The following SHROOM2 variants were observed in gnomAD, a reference collection of about 807,000 sequenced individuals.
The protein encoded by SHROOM2 is protein Shroom2.
In SHROOM2, 33 loss-of-function variants were observed where a neutral mutation model predicts 75.9. The ratio of observed to expected loss-of-function variants is 0.43; its 90% CI spans 0.33 to 0.58. SHROOM2 has a LOEUF of 0.58. Ranked by LOEUF, SHROOM2 falls within the 20% of genes least tolerant of loss-of-function variation. SHROOM2 has a pLI of 0.04. For synonymous variants in SHROOM2, 655 were observed against 663.6 expected (o/e 0.99, Z 0.20); for missense variants, 1,434 against 1,461.2 (o/e 0.98, Z 0.30).
At chrX:9,931,923 T>A (rs767072446) in intron 5 of SHROOM2, among the ~76,000 whole-genome samples, 2 of 110,627 alleles carry the variant, frequency 1.8e-5, no homozygotes, top group South Asian at 7.9e-4. Context: ...CTGTGTGTGA[T>A]GTGTGCGCCT....
At chrX:9,832,975 A>C (rs1176050790) in intron 1 of SHROOM2, among the ~76,000 whole-genome samples, 1 of 111,503 alleles carries the variant, frequency 9.0e-6, no homozygotes, top group African/African-American at 3.3e-5. Context: ...TTTTCCTGTG[A>C]CTGGGCAGTC....
chrX:9,918,596 C>T (rs1469336806), intron 5 of SHROOM2, among the ~76,000 whole-genome samples: 1 of 112,178 alleles, frequency 8.9e-6, no homozygotes, highest in East Asian at 2.8e-4. Context: ...CTCAAGCAAT[C>T]TTCCCACCTC....
chrX:9,890,964 C>T lies in SHROOM2; in HGVS notation c.318-13C>T. The T allele has an allele frequency of 1.7e-6, 2 of 1,196,519 alleles. No individual in the cohort carries two copies. The highest frequency in any genetic ancestry group is 1.1e-6 in the Non-Finnish European group (1 of 887,952). On this transcript the variant is annotated splice_polypyrimidine_tract_variant and intron_variant, in intron 2 of 9. Transcript: ENST00000380913. ...AGTCCCTGACCCCCCGCCTCCCCTGCGTTCTTTTCTAGGAGGAGCGAGCTG... is the reference window on the plus strand; with the variant it reads ...AGTCCCTGACCCCCCGCCTCCCCTGTGTTCTTTTCTAGGAGGAGCGAGCTG...
intron 5 of SHROOM2, among the ~76,000 whole-genome samples, chrX:9,928,573 C>T (rs2084617033): frequency 8.9e-6 from 1 of 111,807 alleles, no homozygotes. Flanking sequence ...CAGAGACACA[C>T]GTACCTACAC....
At chrX:9,858,476 G>A (rs1939134369) in intron 1 of SHROOM2, among the ~76,000 whole-genome samples, 1 of 112,401 alleles carries the variant, frequency 8.9e-6, no homozygotes, top group Non-Finnish European at 1.9e-5. Context: ...CTGTTTAAGC[G>A]GGTGCTTCAG....
chrX:9,905,422 A>G (rs1202275097), intron 5 of SHROOM2, among the ~76,000 whole-genome samples: 1 of 113,144 alleles, frequency 8.8e-6, no homozygotes, highest in East Asian at 2.8e-4. Flanking sequence ...CGCCAGAGCT[A>G]GCAGCACGTG....
chrX:9,929,386 G>A (rs1013231419), intron 5 of SHROOM2, among the ~76,000 whole-genome samples: 1 of 112,173 alleles, frequency 8.9e-6, no homozygotes, highest in Non-Finnish European at 1.9e-5. Flanking sequence ...GGCGTGGGAA[G>A]TGACGATGCA....
intron 5 of SHROOM2, among the ~76,000 whole-genome samples, chrX:9,918,796 C>T (rs1270518438): frequency 1.8e-5 from 2 of 112,070 alleles, no homozygotes; most frequent in Non-Finnish European, 3.8e-5. Context: ...TCCTTGAGTG[C>T]TTCTTATGAG....
At chrX:9,901,858 C>A (rs1182874782) in intron 5 of SHROOM2, among the ~76,000 whole-genome samples, 1 of 111,625 alleles carries the variant, frequency 9.0e-6, no homozygotes, top group Non-Finnish European at 1.9e-5. Context: ...TTTCTCAGTA[C>A]CCCGTACCTG....
At chrX:9,913,923 A>G (rs2084458236) in intron 5 of SHROOM2, among the ~76,000 whole-genome samples, 3 of 112,023 alleles carry the variant, frequency 2.7e-5, no homozygotes, top group African/African-American at 3.2e-5. Flanking sequence ...GTCATACTCT[A>G]CAAGTATTTC....
chrX:9,808,638 GATC>G (rs755187344), intron 1 of SHROOM2, among the ~76,000 whole-genome samples: 1,949 of 110,810 alleles, frequency 0.018, 21 homozygotes, highest in Middle Eastern at 0.046. Flanking sequence ...AAGGTGGGTG[GATC>G]ACCTGAGGTC....
Position 9,896,296 on chromosome X carries a change from C to G in SHROOM2, c.2388C>G (p.Asp796Glu). Residue 796 changes from aspartate to glutamate, a missense_variant, in exon 4 of 10, where the codon GAC becomes GAG. Asp to Glu is a conservative substitution (Grantham distance 45). This residue lies in a region of SHROOM2 where 1,340 missense variants were observed against 1,338.3 expected (regional missense o/e 1.00). Coordinates refer to ENST00000380913, the MANE Select transcript of SHROOM2 (RefSeq NM_001649.4). ...AGGATACTGTGGGCACGTTTGCTGA[C>G]AGGTGGAAGTTTTTTGAGGAAACGA... The part of the protein sequence containing the change: ...TSEDTVGTFA[D>E]RWKFFEETSK... The G allele has an allele frequency of 1.6e-6, 2 of 1,212,175 alleles. No homozygotes were observed. Among genetic ancestry groups the G allele is most frequent in the Non-Finnish European group, 2.2e-6 (2 of 895,580 alleles).
At chrX:9,860,714 G>A (rs956592500) in intron 1 of SHROOM2, among the ~76,000 whole-genome samples, 2 of 111,970 alleles carry the variant, frequency 1.8e-5, no homozygotes, top group Non-Finnish European at 3.8e-5. Context: ...ATGAGCCACC[G>A]TGTCTGGCCA....
chrX:9,812,208 G>T (rs1227525901), intron 1 of SHROOM2, among the ~76,000 whole-genome samples: 2 of 111,526 alleles, frequency 1.8e-5, no homozygotes, highest in African/African-American at 6.5e-5. Flanking sequence ...TCACTTATGG[G>T]GGCCTGCCAA....
intron 5 of SHROOM2, among the ~76,000 whole-genome samples, chrX:9,905,026 A>G (rs927445340): frequency 6.3e-5 from 7 of 111,927 alleles, no homozygotes; most frequent in Non-Finnish European, 1.3e-4. Flanking sequence ...TAAAAAAACA[A>G]AAAAAGTTTT....
intron 1 of SHROOM2, among the ~76,000 whole-genome samples, chrX:9,848,614 G>A (rs1414012620): frequency 9.1e-6 from 1 of 109,975 alleles, no homozygotes; most frequent in Non-Finnish European, 1.9e-5. Flanking sequence ...TGTGAGGAGA[G>A]GAACTAGGAG....
intron 1 of SHROOM2, chrX:9,819,418 G>C (rs2083840173): frequency 7.2e-6 from 3 of 417,640 alleles, no homozygotes; most frequent in African/African-American, 2.5e-5. Flanking sequence ...ATCAGACAGG[G>C]CATCTTGTAA....
At chrX:9,839,855 A>G (rs1046940550) in intron 1 of SHROOM2, among the ~76,000 whole-genome samples, 1 of 112,077 alleles carries the variant, frequency 8.9e-6, no homozygotes, top group African/African-American at 3.2e-5. Context: ...CTATCTCTTG[A>G]CCCTGATGGA....
At chrX:9,914,089 G>A (rs1165596167) in intron 5 of SHROOM2, among the ~76,000 whole-genome samples, 7 of 5,697 alleles carry the variant, frequency 1.2e-3, no homozygotes, top group Non-Finnish European at 2.7e-3. Flanking sequence ...CTCCCGCCCC[G>A]ATCACCACCA....
Sources: gnomAD v4.1 joint callset for allele counts (sites outside exome capture counted in the v4.1 genomes callset) on GRCh38, gnomAD v4.1.1 for gene constraint, gnomAD v4.1.1 regional missense constraint, MANE v1.5 for transcripts, NCBI Gene and HGNC (gene_info 2026-07-23, HGNC 2026-07-21) for gene names.